TMPRSS15: variants seen among roughly 807,000 people sequenced by gnomAD.
TMPRSS15 encodes enteropeptidase.
Under a neutral mutation model 125.3 loss-of-function variants are expected in TMPRSS15, and 128 were observed. That is an observed-to-expected ratio of 1.02 (90% confidence interval 0.89 to 1.18). The LOEUF (loss-of-function observed/expected upper bound fraction) is 1.18. TMPRSS15 is among the 50% of genes most tolerant of loss of function. The pLI is 0.00. For missense variants in TMPRSS15, 1,283 were observed against 1,212.7 expected (o/e 1.06, Z -0.86); for synonymous variants, 446 against 423.2 (o/e 1.05, Z -0.66).
rs138307329 is a variant in TMPRSS15, at chr21:18,321,000, A to T, written c.1921+5432T>A. Among the ~76,000 whole-genome samples, 27 of 152,268 alleles carry T rather than the reference A, an allele frequency of 1.8e-4. No homozygotes were observed. The East Asian group carries it at 5.0e-3, about 28-fold the overall frequency. On this transcript the variant is annotated intron_variant, in intron 16 of 24. Coordinates refer to ENST00000284885, the MANE Select transcript of TMPRSS15 (RefSeq NM_002772.3). ...TAACATACGCTTGGTTTAAAATGGA[A>T]CGAAATTGATCTCTAAGCACATGCC...
intron 5 of TMPRSS15, among the ~76,000 whole-genome samples, chr21:18,373,278 T>G (rs1016131460): frequency 2.0e-5 from 3 of 152,098 alleles, no homozygotes. Flanking sequence ...TTTTATAGAT[T>G]TTTGCTGAGT....
intron 1 of TMPRSS15, among the ~76,000 whole-genome samples, chr21:18,419,466 C>A (rs1167588160): frequency 1.3e-5 from 2 of 152,096 alleles, no homozygotes; most frequent in Middle Eastern, 3.2e-3. Flanking sequence ...ACATCGTGAT[C>A]CACCTGCCTC....
chr21:18,385,608 G>A (rs2075936624), intron 3 of TMPRSS15, among the ~76,000 whole-genome samples: 1 of 152,184 alleles, frequency 6.6e-6, no homozygotes, highest in Non-Finnish European at 1.5e-5. Context: ...TTGAGACCAT[G>A]AGTGAGGCCA....
intron 21 of TMPRSS15, among the ~76,000 whole-genome samples, chr21:18,287,079 A>G (rs777120614): frequency 2.6e-5 from 4 of 152,172 alleles, no homozygotes; most frequent in Non-Finnish European, 5.9e-5. Flanking sequence ...ACTTTTCTTT[A>G]CTGCATGTAT....
intron 14 of TMPRSS15, among the ~76,000 whole-genome samples, chr21:18,331,642 A>G (rs755135865): frequency 6.6e-6 from 1 of 152,186 alleles, no homozygotes; most frequent in Non-Finnish European, 1.5e-5. Flanking sequence ...TGTGAATGCT[A>G]CAACTGGTTC....
At chr21:18,348,282 TC>T (rs2075530331) in intron 10 of TMPRSS15, among the ~76,000 whole-genome samples, 1 of 152,178 alleles carries the variant, frequency 6.6e-6, no homozygotes, top group Non-Finnish European at 1.5e-5. Context: ...AAAACTCCTT[TC>T]CATCACTTTT....
At chr21:18,433,663 CAAAAAA>C (rs58432155) in intron 1 of TMPRSS15, among the ~76,000 whole-genome samples, 20 of 62,446 alleles carry the variant, frequency 3.2e-4, no homozygotes, top group African/African-American at 1.1e-3. Context: ...GACCTTGTCT[CAAAAAA>C]AAAAAAAAAA....
intron 18 of TMPRSS15, among the ~76,000 whole-genome samples, chr21:18,309,636 C>A (rs2075075688): frequency 6.6e-6 from 1 of 152,166 alleles, no homozygotes; most frequent in East Asian, 1.9e-4. Context: ...ACAGACAATT[C>A]TCAAAAGAAG....
At chr21:18,300,724 A>G (rs911931718) in intron 18 of TMPRSS15, among the ~76,000 whole-genome samples, 2 of 152,220 alleles carry the variant, frequency 1.3e-5, no homozygotes, top group African/African-American at 2.4e-5. Context: ...AATTATTTGT[A>G]AATATTTTTT....
chr21:18,451,373 A>G (rs1479681488), intron 1 of TMPRSS15, among the ~76,000 whole-genome samples: 1 of 152,072 alleles, frequency 6.6e-6, no homozygotes, highest in Non-Finnish European at 1.5e-5. Context: ...TTGATCATAG[A>G]TTTGTCTGCC....
At chr21:18,347,245 T>G (rs370310481) in intron 10 of TMPRSS15, among the ~76,000 whole-genome samples, 29 of 152,104 alleles carry the variant, frequency 1.9e-4, no homozygotes, top group Non-Finnish European at 3.8e-4. Context: ...ATGTATATAT[T>G]TTTTTTCTTG....
At chr21:18,484,375 T>C (rs1198812123) in intron 1 of TMPRSS15, among the ~76,000 whole-genome samples, 1 of 151,862 alleles carries the variant, frequency 6.6e-6, no homozygotes, top group Admixed American at 6.6e-5. Context: ...ACATAAAAAG[T>C]TTAAGCAATA....
chr21:18,362,394 G>A (rs916364566), intron 7 of TMPRSS15, among the ~76,000 whole-genome samples: 5 of 152,196 alleles, frequency 3.3e-5, no homozygotes, highest in Middle Eastern at 3.4e-3. Context: ...TCTAAGGAAC[G>A]CAAGCATGAG....
chr21:18,351,202 C>G (rs982740056), intron 10 of TMPRSS15, among the ~76,000 whole-genome samples: 1 of 152,024 alleles, frequency 6.6e-6, no homozygotes, highest in African/African-American at 2.4e-5. Context: ...GTCATTAATA[C>G]CAAATTGCAA....
chr21:18,313,351 A>C (rs8133003), intron 17 of TMPRSS15, among the ~76,000 whole-genome samples: 30,725 of 129,148 alleles, frequency 0.24, 3,741 homozygotes, highest in East Asian at 0.57. Flanking sequence ...CTCTCTCTCT[A>C]TATATATATA....
At chr21:18,278,926 T>TTGTTTG (rs1239659223) in intron 23 of TMPRSS15, 38 bp downstream of exon 23, 3 of 378,242 alleles carry the variant, frequency 7.9e-6, no homozygotes, top group African/African-American at 6.2e-5. Flanking sequence ...CCAGTAAGGT[T>TTGTTTG]TTTTTTTTTT....
chr21:18,423,409 C>CT (rs5842689), intron 1 of TMPRSS15, among the ~76,000 whole-genome samples: 3,757 of 128,672 alleles, frequency 0.029, 157 homozygotes, highest in East Asian at 0.16. Flanking sequence ...AAAATAAATT[C>CT]TTTTTTTTTT....
At chr21:18,340,690 CAGT>C (rs533877914) in intron 13 of TMPRSS15, among the ~76,000 whole-genome samples, 26 of 152,238 alleles carry the variant, frequency 1.7e-4, no homozygotes, top group African/African-American at 6.0e-4. Context: ...AAAATAGACA[CAGT>C]AGGTTTCAGA....
chr21:18,320,911 T>C (rs2075226647), intron 16 of TMPRSS15, among the ~76,000 whole-genome samples: 1 of 152,196 alleles, frequency 6.6e-6, no homozygotes, highest in South Asian at 2.1e-4. Context: ...AAAAGAAATA[T>C]TGCTAAGAAT....
Sources: allele counts gnomAD v4.1 joint callset (sites outside exome capture counted in the v4.1 genomes callset), GRCh38; gene constraint gnomAD v4.1.1; transcripts MANE v1.5; gene names NCBI Gene and HGNC (gene_info 2026-07-23, HGNC 2026-07-21).